The following UTP18 variants were observed in gnomAD, a reference collection of about 807,000 sequenced individuals.
UTP18 encodes the protein U3 small nucleolar RNA-associated protein 18 homolog.
Under a neutral mutation model 61.1 loss-of-function variants are expected in UTP18, and 36 were observed. The observed-to-expected ratio is 0.59, with a 90% CI of 0.45 to 0.78. The LOEUF (loss-of-function observed/expected upper bound fraction) is 0.78, where lower values mean the gene tolerates loss of function less well. Among genes scored for constraint, UTP18 ranks in the 30% least tolerant of loss-of-function variants. The probability of loss-of-function intolerance (pLI) is 0.00; values close to 1 mark genes in which losing one functional copy is unlikely to be tolerated. For missense variants in UTP18, 753 were observed against 693.9 expected (o/e 1.09, Z -0.96); for synonymous variants, 282 against 251.1 (o/e 1.12, Z -1.16).
In UTP18 at chr17:51,280,686, G is replaced by GC. The variant is rs1904885675; in HGVS notation, c.1204+209dup. Among the ~76,000 whole-genome samples the GC allele has an allele frequency of 3.3e-5, 5 of 152,076 alleles. No homozygotes were observed. The South Asian group carries it at 1.0e-3, about 32-fold the overall frequency. On this transcript the variant is annotated intron_variant, in intron 9 of 13. Transcript: ENST00000225298. ...AAAGTAGCTGGGCATGGTGGCATGG[G>GC]CCTGTAGTCCCAGCTACTTGAGAGG...
Position 51,287,931 on chromosome 17 carries a change from T to C in UTP18, c.1329-98T>C, listed in dbSNP as rs1053370945. 12 of 926,758 alleles carry C rather than the reference T, an allele frequency of 1.3e-5. No individual in the cohort carries two copies. In the Admixed American group the frequency reaches 4.6e-4, roughly 35 times the overall value. 57.4% of individuals were successfully genotyped at this position (926,758 alleles called of 1,614,324 possible). ...GCTGGTCTCTTTGTAACATGATTCC[T>C]GTAAATACCAGTTTGTGGGGTTAAA... is the stretch of plus-strand genomic sequence containing the variant. On this transcript the variant is annotated intron_variant, in intron 10 of 13. Coordinates refer to ENST00000225298, the MANE Select transcript of UTP18 (RefSeq NM_016001.3).
chr17:51,283,291 C>T (rs1459209897), intron 9 of UTP18, among the ~76,000 whole-genome samples: 1 of 151,670 alleles, frequency 6.6e-6, no homozygotes, highest in African/African-American at 2.4e-5. Context: ...GCCTCAGCCT[C>T]CTGGGTAGCT....
At chr17:51,296,009 G>A (rs1905361212) in intron 12 of UTP18, among the ~76,000 whole-genome samples, 1 of 152,124 alleles carries the variant, frequency 6.6e-6, no homozygotes. Flanking sequence ...CTTTTTAAAA[G>A]GTGTTTCTTT....
chr17:51,283,136 T>C (rs1457812956), intron 9 of UTP18, among the ~76,000 whole-genome samples: 1 of 151,350 alleles, frequency 6.6e-6, no homozygotes, highest in Non-Finnish European at 1.5e-5. Flanking sequence ...CCCAAAGTGC[T>C]AGGATTACAG....
At chr17:51,271,508 C>T (rs1447767896) in intron 4 of UTP18, among the ~76,000 whole-genome samples, 4 of 151,890 alleles carry the variant, frequency 2.6e-5, no homozygotes, top group African/African-American at 9.7e-5. Flanking sequence ...GTGACAGGAT[C>T]TTATTATGTT....
At chr17:51,294,740 A>G (rs1905319578) in intron 12 of UTP18, among the ~76,000 whole-genome samples, 1 of 151,984 alleles carries the variant, frequency 6.6e-6, no homozygotes, top group African/African-American at 2.4e-5. Context: ...GCTGGGTCAA[A>G]TGGTATTTCT....
intron 8 of UTP18, 117 bp from the exon 9 acceptor site, chr17:51,280,272 G>A (rs769454687): frequency 7.5e-7 from 1 of 1,336,552 alleles, no homozygotes; most frequent in Non-Finnish European, 1.0e-6. Flanking sequence ...TTGATTACAG[G>A]GAAAAATAAA....
At position 51,268,862 on chromosome 17, in the gene UTP18, C is replaced by G. The variant is rs762668011; in HGVS notation, c.580C>G (p.Pro194Ala). Residue 194 changes from proline (P) to alanine (A), a missense_variant, in exon 4 of 14, where the codon CCT becomes GCT. Transcript: ENST00000225298. Reference protein sequence around the residue: ...EEFQHAMGGVPAWAETTKRKT... With the variant: ...EEFQHAMGGVAAWAETTKRKT... ...ATTCCAACATGCCATGGGAGGAGTA[C>G]CTGCCTGGGCAGAGACTACTAAGCG... is the stretch of plus-strand genomic sequence containing the variant. The G allele has an allele frequency of 2.3e-5, 37 of 1,613,824 alleles. No individual in the cohort carries two copies. The African/African-American group carries it at 4.0e-4, about 17-fold the overall frequency.
chr17:51,288,284 C>T (rs78960043), intron 11 of UTP18, 81 bp downstream of exon 11: 17,181 of 1,318,632 alleles, frequency 0.013, 341 homozygotes, highest in African/African-American at 0.081. Context: ...GAAAGGAGAG[C>T]GTTGAATTAT....
chr17:51,280,792 G>C (rs1241119874), intron 9 of UTP18, among the ~76,000 whole-genome samples: 1 of 151,824 alleles, frequency 6.6e-6, no homozygotes, highest in African/African-American at 2.4e-5. Context: ...TAGCCTGGGG[G>C]ACAGAACGAG....
intron 12 of UTP18, among the ~76,000 whole-genome samples, chr17:51,295,015 C>T (rs1453121312): frequency 2.0e-5 from 3 of 151,858 alleles, no homozygotes; most frequent in Admixed American, 6.6e-5. Flanking sequence ...TGAGAAGTGT[C>T]TGTTCATATC....
chr17:51,269,593 C>G (rs1170779872), intron 4 of UTP18, among the ~76,000 whole-genome samples: 1 of 152,056 alleles, frequency 6.6e-6, no homozygotes, highest in African/African-American at 2.4e-5. Flanking sequence ...TGACCACCTC[C>G]TTTGTCCCCT....
chr17:51,286,309 T>G (rs1258854291), intron 10 of UTP18, among the ~76,000 whole-genome samples: 2 of 152,180 alleles, frequency 1.3e-5, no homozygotes, highest in Non-Finnish European at 2.9e-5. Context: ...AACCACTAAT[T>G]AGAACCCATA....
At chr17:51,276,689 C>T (rs1288918624) in intron 6 of UTP18, among the ~76,000 whole-genome samples, 1 of 152,134 alleles carries the variant, frequency 6.6e-6, no homozygotes, top group Non-Finnish European at 1.5e-5. Flanking sequence ...ACCATTCAGT[C>T]CTGCAGGTGC....
At chr17:51,283,982 G>A (rs1905032136) in intron 9 of UTP18, among the ~76,000 whole-genome samples, 1 of 152,184 alleles carries the variant, frequency 6.6e-6, no homozygotes, top group Admixed American at 6.5e-5. Flanking sequence ...CTTTCTAGAT[G>A]TTCTTGCTTT....
rs1226304725 is a variant in UTP18 at position 51,260,746 on chromosome 17, G to A, written c.162G>A (p.Pro54=). The change falls in exon 1 of 14, where the codon CCG becomes CCA. Residue 54 remains proline (P), a synonymous_variant. Coordinates refer to ENST00000225298, the MANE Select transcript of UTP18 (RefSeq NM_016001.3). ...PSSQRKPPAR[P]SAAAAAIAVA... is the part of the protein sequence containing the mutation. ...CCCAGCGGAAACCGCCGGCCCGGCC[G>A]AGCGCGGCGGCCGCTGCGATTGCAG... 5 of 1,584,170 alleles carry A rather than the reference G, an allele frequency of 3.2e-6. No individual in the cohort carries two copies. The highest frequency in any genetic ancestry group is 1.3e-5 in the African/African-American group (1 of 74,350).
chr17:51,288,229 ATTG>A (rs1346049108), intron 11 of UTP18, 26 bp downstream of exon 11: 1 of 1,533,198 alleles, frequency 6.5e-7, no homozygotes, highest in African/African-American at 1.4e-5. Flanking sequence ...CCCCTTTATT[ATTG>A]TTATTTTTTA....
intron 4 of UTP18, among the ~76,000 whole-genome samples, chr17:51,272,777 T>G (rs1904571252): frequency 6.6e-6 from 1 of 152,216 alleles, no homozygotes; most frequent in South Asian, 2.1e-4. Flanking sequence ...CCAGACCCTG[T>G]CAAGAAGCTT....
intron 2 of UTP18, among the ~76,000 whole-genome samples, chr17:51,264,408 CCTTT>C (rs988298866): frequency 8.5e-5 from 13 of 152,096 alleles, no homozygotes; most frequent in South Asian, 6.2e-4. Context: ...TATGTATAAA[CCTTT>C]CTTTATTTTC....
Sources: allele counts gnomAD v4.1 joint callset (sites outside exome capture counted in the v4.1 genomes callset), GRCh38; gene constraint gnomAD v4.1.1; transcripts MANE v1.5; gene names NCBI Gene and HGNC (gene_info 2026-07-23, HGNC 2026-07-21).